The following ICA1 variants were observed in gnomAD, a reference collection of about 807,000 sequenced individuals.
The protein encoded by ICA1 is 69 kDa islet cell autoantigen.
In ICA1, 40 loss-of-function variants were observed where a neutral mutation model predicts 71.0. The ratio of observed to expected loss-of-function variants is 0.56; its 90% CI spans 0.44 to 0.73. The LOEUF is 0.73. Among genes scored for constraint, ICA1 ranks in the 30% least tolerant of loss-of-function variants. The probability of loss-of-function intolerance (pLI) is 0.00; values close to 1 mark genes in which losing one functional copy is unlikely to be tolerated. For synonymous variants in ICA1, 207 were observed against 209.5 expected, an observed-to-expected ratio of 0.99 and a Z score of 0.10; for missense variants, 578 against 576.5, an observed-to-expected ratio of 1.00 and a Z score of -0.03.
Position 8,221,274 on chromosome 7 carries a change from C to T in ICA1, c.380+1G>A. 1 of 1,613,470 alleles carries T rather than the reference C, an allele frequency of 6.2e-7. No individual in the cohort carries two copies. Among genetic ancestry groups the T allele is most frequent in the Non-Finnish European group, 8.5e-7 (1 of 1,179,580 alleles). ...ATAGAACCCCACTAAAGGCCACACA[C>T]CTTTGCTGGGAAGAAAAGCAGAGGG... On this transcript the variant is annotated splice_donor_variant, in intron 5 of 13. Coordinates refer to ENST00000402384, the MANE Select transcript of ICA1 (RefSeq NM_001136020.3). LOFTEE classifies it high-confidence loss of function.
At chr7:8,142,237 C>T (rs1409479023) in intron 9 of ICA1, among the ~76,000 whole-genome samples, 1 of 152,188 alleles carries the variant, frequency 6.6e-6, no homozygotes, top group East Asian at 1.9e-4. Context: ...CAGGCAGGAC[C>T]ACTCATAAAT....
At chr7:8,217,867 C>T (rs1255549341) in intron 6 of ICA1, among the ~76,000 whole-genome samples, 3 of 152,186 alleles carry the variant, frequency 2.0e-5, no homozygotes, top group Non-Finnish European at 2.9e-5. Context: ...CAACTAAACC[C>T]CACTGCTTCT....
chr7:8,117,972 G>C (rs1035761215), intron 13 of ICA1, among the ~76,000 whole-genome samples: 3 of 152,106 alleles, frequency 2.0e-5, no homozygotes, highest in African/African-American at 7.2e-5. Flanking sequence ...TGGAAGCCAG[G>C]GACAATGTAT....
At chr7:8,257,395 A>C (rs1181573178) in intron 1 of ICA1, among the ~76,000 whole-genome samples, 2 of 152,194 alleles carry the variant, frequency 1.3e-5, no homozygotes, top group Non-Finnish European at 2.9e-5. Context: ...AGTGAGTGTG[A>C]TCATGATGAT....
chr7:8,176,954 T>C (rs1306857443), intron 6 of ICA1, among the ~76,000 whole-genome samples: 4 of 152,188 alleles, frequency 2.6e-5, no homozygotes, highest in Non-Finnish European at 2.9e-5. Context: ...TAAACCACTT[T>C]ACCTCCTCAA....
At chr7:8,145,683 A>G (rs890412987) in intron 8 of ICA1, among the ~76,000 whole-genome samples, 2 of 149,692 alleles carry the variant, frequency 1.3e-5, no homozygotes, top group Non-Finnish European at 3.0e-5. Flanking sequence ...TATCCTTAAA[A>G]TGATGATGAT....
intron 6 of ICA1, among the ~76,000 whole-genome samples, chr7:8,202,654 A>G (rs1790122213): frequency 6.6e-6 from 1 of 152,186 alleles, no homozygotes; most frequent in Non-Finnish European, 1.5e-5. Context: ...TACTGTTTTT[A>G]TATCACCCTT....
intron 13 of ICA1, among the ~76,000 whole-genome samples, chr7:8,119,309 G>T (rs780881083): frequency 3.4e-4 from 51 of 152,192 alleles, no homozygotes; most frequent in Admixed American, 2.0e-3. Context: ...TGACACAATG[G>T]GAACTCAAAC....
At position 8,151,362 on chromosome 7, in the gene ICA1, C is replaced by T. The variant is rs74991671; in HGVS notation, c.804+5754G>A. Among the ~76,000 whole-genome samples, 1,960 of 152,298 alleles carry T rather than the reference C, an allele frequency of 0.013. 102 individuals are homozygous for T. In the East Asian group the frequency reaches 0.17, roughly 13 times the overall value. On this transcript the variant is annotated intron_variant, in intron 8 of 13. Transcript: ENST00000402384. ...GAACAAATGACAAGCCACACTCCGG[C>T]TCGTCCCCCTCAGATTTCAGTGGTG...
chr7:8,113,234 T>C lies in ICA1; in HGVS notation c.*689A>G, dbSNP rs901087929. 4.8e-5 allele frequency: 7 copies of C among 144,954 alleles called. No homozygotes were observed. Among genetic ancestry groups the C allele is most frequent in the Non-Finnish European group, 1.1e-4 (7 of 65,746 alleles). The allele number at this position is 144,954 out of a possible 1,614,324, so 9.0% of individuals were successfully genotyped here. On this transcript the variant is annotated 3_prime_UTR_variant, in exon 14 of 14. Coordinates refer to ENST00000402384, the MANE Select transcript of ICA1 (RefSeq NM_001136020.3). The surrounding 1 kb of genome is among the most constrained non-coding windows in gnomAD (Gnocchi z 4.2). ...TTAATTAAAAAAAAAAAAAAAACAA[T>C]GTCACAAGAGGCTTCAGAAATACAT... is the stretch of plus-strand genomic sequence containing the variant.
At chr7:8,256,451 T>C (rs765092866) in intron 1 of ICA1, among the ~76,000 whole-genome samples, 2 of 152,190 alleles carry the variant, frequency 1.3e-5, no homozygotes, top group Non-Finnish European at 2.9e-5. Flanking sequence ...GAATATACTA[T>C]GCACTTCAAG....
intron 6 of ICA1, among the ~76,000 whole-genome samples, chr7:8,196,345 G>A (rs903032596): frequency 3.9e-5 from 6 of 152,178 alleles, no homozygotes; most frequent in South Asian, 4.1e-4. Flanking sequence ...CTTGCCAGGC[G>A]CTCAGGGAGA....
chr7:8,220,419 T>A (rs1796690604), intron 5 of ICA1, among the ~76,000 whole-genome samples: 1 of 152,192 alleles, frequency 6.6e-6, no homozygotes, highest in African/African-American at 2.4e-5. Flanking sequence ...CAAGGAGACA[T>A]TAACAGAAGA....
chr7:8,219,224 A>G lies in ICA1; in HGVS notation c.381-721T>C, dbSNP rs576253516. Among the ~76,000 whole-genome samples, 53 of 152,370 alleles carry G rather than the reference A, an allele frequency of 3.5e-4. No individual in the cohort carries two copies. The South Asian group carries it at 3.7e-3, about 11-fold the overall frequency. Reference sequence around the variant, plus strand: ...AGGCATATTAAACTTTGGATAAAATACTTATCTTGGGGAAAAACACTGCTT... The same window carrying G: ...AGGCATATTAAACTTTGGATAAAATGCTTATCTTGGGGAAAAACACTGCTT... On this transcript the variant is annotated intron_variant, in intron 5 of 13. Coordinates refer to ENST00000402384, the MANE Select transcript of ICA1 (RefSeq NM_001136020.3).
At chr7:8,117,199 C>G (rs1396877070) in intron 13 of ICA1, among the ~76,000 whole-genome samples, 2 of 152,210 alleles carry the variant, frequency 1.3e-5, no homozygotes, top group Non-Finnish European at 2.9e-5. Flanking sequence ...CCCAGTCATG[C>G]TGAACTGTGA....
intron 6 of ICA1, among the ~76,000 whole-genome samples, chr7:8,196,369 A>G (rs1787573713): frequency 6.6e-6 from 1 of 152,248 alleles, no homozygotes; most frequent in Non-Finnish European, 1.5e-5. Context: ...AAGGATGAAT[A>G]GGTGAAGCAC....
At chr7:8,175,076 C>T (rs1562839579) in intron 6 of ICA1, among the ~76,000 whole-genome samples, 2 of 151,970 alleles carry the variant, frequency 1.3e-5, no homozygotes, top group Admixed American at 1.3e-4. Context: ...AGGTTCAGCA[C>T]TTGAGGTAAG....
At chr7:8,200,437 A>G (rs55875610) in intron 6 of ICA1, among the ~76,000 whole-genome samples, 149,691 of 151,404 alleles carry the variant, frequency 0.99, 74,005 homozygotes, top group Middle Eastern at 1. Context: ...GGAAGTTTGG[A>G]TTTTATGCCA....
chr7:8,152,896 C>A (rs1037530785), intron 8 of ICA1, among the ~76,000 whole-genome samples: 1 of 133,890 alleles, frequency 7.5e-6, no homozygotes, highest in Non-Finnish European at 1.6e-5. Flanking sequence ...ACCACTACCA[C>A]CATTATCTCC....
Sources: allele counts gnomAD v4.1 joint callset (sites outside exome capture counted in the v4.1 genomes callset), GRCh38; gene constraint gnomAD v4.1.1; non-coding constraint Gnocchi (gnomAD v3.1); transcripts MANE v1.5; gene names NCBI Gene and HGNC (gene_info 2026-07-23, HGNC 2026-07-21).